Variants in MED15 observed in about 807,000 individuals in gnomAD.
MED15 encodes mediator complex subunit 15.
Under a neutral mutation model 118.7 loss-of-function variants are expected in MED15, and 41 were observed. The ratio of observed to expected loss-of-function variants is 0.35; its 90% CI spans 0.27 to 0.45. MED15 has a LOEUF of 0.45. Ranked by LOEUF, MED15 falls within the 20% of genes least tolerant of loss-of-function variation. The pLI, the probability that MED15 is intolerant of heterozygous loss-of-function variation, is 1.00. For synonymous variants in MED15, 436 were observed against 413.9 expected, an observed-to-expected ratio of 1.05 and a Z score of -0.65; for missense variants, 740 against 1,025.5, an observed-to-expected ratio of 0.72 and a Z score of 3.80.
chr22:20,568,767 T>A, intron 8 of MED15, 136 bp downstream of exon 8: 1 of 1,413,224 alleles, frequency 7.1e-7, no homozygotes, highest in Non-Finnish European at 9.5e-7. Flanking sequence ...TCTCTCCCCC[T>A]TGCACTCTGC....
chr22:20,528,518 C>T (rs2054739601), intron 1 of MED15, among the ~76,000 whole-genome samples: 1 of 152,218 alleles, frequency 6.6e-6, no homozygotes, highest in Non-Finnish European at 1.5e-5. Context: ...GGAGGCAGAG[C>T]TCAGGCAGTA....
intron 1 of MED15, among the ~76,000 whole-genome samples, chr22:20,532,313 C>T (rs868481238): frequency 4.6e-5 from 7 of 152,276 alleles, no homozygotes; most frequent in South Asian, 2.1e-4. Context: ...GATGAAGACA[C>T]GAAGAGCTTT....
chr22:20,585,137 GGAT>G lies in MED15; in HGVS notation c.2007_2009del (p.Asp669del), dbSNP rs1569255034. The G allele has an allele frequency of 1.2e-6, 2 of 1,613,738 alleles. No homozygotes were observed. The highest frequency in any genetic ancestry group is 1.7e-6 in the Non-Finnish European group (2 of 1,179,992). On this transcript the variant is annotated inframe_deletion, in exon 16 of 18. Transcript: ENST00000263205. Reference sequence around the variant, plus strand: ...TGTGCACCCGGAAGCGCAGGCTTGAGGATGATGAGCGGCAGAGCATCCCCAGTG... The same window carrying G: ...TGTGCACCCGGAAGCGCAGGCTTGAGGATGAGCGGCAGAGCATCCCCAGTG...
intron 4 of MED15, among the ~76,000 whole-genome samples, chr22:20,553,395 T>G (rs1409840670): frequency 6.6e-6 from 1 of 152,224 alleles, no homozygotes; most frequent in Non-Finnish European, 1.5e-5. Flanking sequence ...CCATCCCGTT[T>G]CACACAAATG....
intron 10 of MED15, 42 bp from the exon 11 acceptor site, chr22:20,582,798 T>C (rs1394420516): frequency 3.1e-6 from 5 of 1,601,750 alleles, no homozygotes; most frequent in Middle Eastern, 1.7e-4. Flanking sequence ...AGGCTGGCCC[T>C]GCCTGGACCC....
chr22:20,568,957 C>G (rs2056543304), intron 8 of MED15, among the ~76,000 whole-genome samples: 1 of 152,176 alleles, frequency 6.6e-6, no homozygotes, highest in South Asian at 2.1e-4. Context: ...GTTTTCTCCT[C>G]ACCTCTCATC....
At chr22:20,586,457 C>T in intron 17 of MED15, 111 bp from the exon 18 acceptor site, 1 of 1,500,976 alleles carries the variant, frequency 6.7e-7, no homozygotes, top group East Asian at 2.3e-5. Flanking sequence ...ACATCACCTC[C>T]TGGTGCTTCG....
intron 1 of MED15, among the ~76,000 whole-genome samples, chr22:20,528,544 C>G (rs2054740490): frequency 6.6e-6 from 1 of 152,334 alleles, no homozygotes; most frequent in East Asian, 1.9e-4. Context: ...TGCACACCCT[C>G]TGCTCACCTA....
chr22:20,584,334 C>T (rs1224925506), intron 13 of MED15, 25 bp from the exon 14 acceptor site: 2 of 1,611,770 alleles, frequency 1.2e-6, no homozygotes, highest in Non-Finnish European at 8.5e-7. Context: ...TCCACTCTTT[C>T]AGCCCAAGTC....
chr22:20,508,950 G>T (rs1431956730), intron 1 of MED15, among the ~76,000 whole-genome samples: 1 of 152,194 alleles, frequency 6.6e-6, no homozygotes, highest in African/African-American at 2.4e-5. Flanking sequence ...AGTCTGTAAT[G>T]TGTATACTGC....
At chr22:20,535,961 T>C (rs1203323875) in intron 1 of MED15, among the ~76,000 whole-genome samples, 2 of 141,836 alleles carry the variant, frequency 1.4e-5, no homozygotes, top group East Asian at 4.5e-4. Flanking sequence ...CACTGCAACC[T>C]CCACCTCCCG....
At chr22:20,513,973 C>T (rs2146341362) in intron 1 of MED15, among the ~76,000 whole-genome samples, 1 of 152,282 alleles carries the variant, frequency 6.6e-6, no homozygotes, top group Admixed American at 6.5e-5. Flanking sequence ...AAGCGATCCT[C>T]CCACCTCAGC....
In MED15 at chr22:20,564,529, A is replaced by ACAG. The variant is rs747865184; in HGVS notation, c.552_554dup (p.Gln188dup). Reference sequence around the variant, plus strand: ...TCCAGCAGCAGCAGCAGGCGGCGCTACAGCAGCAGCAGCAGCAGCAGCAAC... The same window carrying ACAG: ...TCCAGCAGCAGCAGCAGGCGGCGCTACAGCAGCAGCAGCAGCAGCAGCAGCAAC... On this transcript the variant is annotated inframe_insertion, in exon 6 of 18. Coordinates refer to ENST00000263205, the MANE Select transcript of MED15 (RefSeq NM_001003891.3). 2.6e-4 allele frequency: 417 copies of ACAG among 1,592,934 alleles called. No homozygotes were observed. The highest frequency in any genetic ancestry group is 1.1e-3 in the East Asian group (51 of 44,674).
chr22:20,577,201 A>G (rs1305660654), intron 9 of MED15, among the ~76,000 whole-genome samples: 1 of 147,558 alleles, frequency 6.8e-6, no homozygotes, highest in Non-Finnish European at 1.5e-5. Context: ...TCTTCTGGAA[A>G]CTCCTCACTC....
intron 9 of MED15, among the ~76,000 whole-genome samples, chr22:20,579,579 T>G (rs1175265418): frequency 6.6e-6 from 1 of 152,026 alleles, no homozygotes; most frequent in East Asian, 1.9e-4. Flanking sequence ...GCCTGAGGGT[T>G]CCTCTGTGAG....
At chr22:20,563,826 G>T (rs2056330775) in intron 5 of MED15, among the ~76,000 whole-genome samples, 1 of 152,156 alleles carries the variant, frequency 6.6e-6, no homozygotes, top group African/African-American at 2.4e-5. Context: ...AGGTTTTAGT[G>T]TAATCCACAG....
At chr22:20,577,231 G>T (rs2056849051) in intron 9 of MED15, among the ~76,000 whole-genome samples, 1 of 152,138 alleles carries the variant, frequency 6.6e-6, no homozygotes, top group South Asian at 2.1e-4. Flanking sequence ...CTGGGCTGAT[G>T]ACCTGGCTTC....
chr22:20,573,447 G>T (rs1486976258), intron 8 of MED15, among the ~76,000 whole-genome samples: 1 of 152,178 alleles, frequency 6.6e-6, no homozygotes, highest in Non-Finnish European at 1.5e-5. Flanking sequence ...TGGCCACCCT[G>T]GAGGACCCTC....
intron 2 of MED15, chr22:20,551,046 G>A (rs756009507): frequency 1.1e-5 from 5 of 469,048 alleles, no homozygotes; most frequent in Non-Finnish European, 2.2e-5. Flanking sequence ...AAGACACAGC[G>A]GCCCACCCAC....
Sources: allele counts gnomAD v4.1 joint callset (sites outside exome capture counted in the v4.1 genomes callset), GRCh38; gene constraint gnomAD v4.1.1; transcripts MANE v1.5; gene names NCBI Gene and HGNC (gene_info 2026-07-23, HGNC 2026-07-21).